Variants in DNAJC5 observed in about 807,000 individuals in gnomAD.
The protein encoded by DNAJC5 is dnaJ homolog subfamily C member 5.
Under a neutral mutation model 23.2 loss-of-function variants are expected in DNAJC5, and 1 was observed. The ratio of observed to expected loss-of-function variants is 0.04; its 90% CI spans 0.02 to 0.20. DNAJC5 has a LOEUF of 0.20. DNAJC5 is among the 10% of genes least tolerant of loss of function. The pLI is 1.00. For missense variants in DNAJC5, 180 were observed against 267.0 expected, an observed-to-expected ratio of 0.67 and a Z score of 2.27; for synonymous variants, 136 against 120.0, an observed-to-expected ratio of 1.13 and a Z score of -0.87.
At position 63,928,053 on chromosome 20, in the gene DNAJC5, G is replaced by A. The variant is rs952136530; in HGVS notation, c.-11-282G>A. Among the ~76,000 whole-genome samples the A allele has an allele frequency of 2.0e-5, 3 of 152,162 alleles. No individual in the cohort carries two copies. Among genetic ancestry groups the A allele is most frequent in the African/African-American group, 4.8e-5 (2 of 41,442 alleles). ...CAGCCTCAAACTCCTGGGCTCAAGC[G>A]GTCCTCCCGCCTCAGCCTCCCAAAA... On this transcript the variant is annotated intron_variant, in intron 1 of 4. Coordinates refer to ENST00000360864, the MANE Select transcript of DNAJC5 (RefSeq NM_025219.3). This position sits in a 1 kb window ranked among gnomAD's most constrained non-coding sequence, Gnocchi z 4.6.
In DNAJC5 at chr20:63,931,265, A is replaced by C. The variant is rs1028125801; in HGVS notation, c.494-200A>C. The C allele has an allele frequency of 1.3e-6, 1 of 782,462 alleles. No homozygotes were observed. The highest frequency in any genetic ancestry group is 1.7e-5 in the African/African-American group (1 of 58,770). 48.5% of individuals were successfully genotyped at this position (782,462 alleles called of 1,614,324 possible). A position where few individuals can be genotyped will look rare whatever the true frequency, so the allele number is the denominator to read the frequency against. Reference sequence around the variant, plus strand: ...GGACTGCGAGGCGGGGCAGGGCGGCAGGCAGTTGGGGCGGGGCTGAGGGCC... The same window carrying C: ...GGACTGCGAGGCGGGGCAGGGCGGCCGGCAGTTGGGGCGGGGCTGAGGGCC... On this transcript the variant is annotated intron_variant, in intron 4 of 4. Transcript: ENST00000360864. The surrounding 1 kb of genome is among the most constrained non-coding windows in gnomAD (Gnocchi z 9.6).
At chr20:63,922,154 G>A (rs866457947) in intron 1 of DNAJC5, among the ~76,000 whole-genome samples, 10 of 151,920 alleles carry the variant, frequency 6.6e-5, no homozygotes, top group African/African-American at 2.4e-4. Context: ...GCAAACTCCC[G>A]GACTCATTAC....
At chr20:63,924,526 C>T (rs923091829) in intron 1 of DNAJC5, among the ~76,000 whole-genome samples, 2 of 152,162 alleles carry the variant, frequency 1.3e-5, no homozygotes, top group African/African-American at 4.8e-5. Context: ...ACTAGGACCA[C>T]AGACATGAGC....
intron 1 of DNAJC5, among the ~76,000 whole-genome samples, chr20:63,899,277 C>T (rs6062330): frequency 0.053 from 8,052 of 152,172 alleles, 412 homozygotes; most frequent in East Asian, 0.2. Context: ...GCCAGGACCC[C>T]TCAGATAATG....
intron 1 of DNAJC5, among the ~76,000 whole-genome samples, chr20:63,917,496 G>A (rs1484541643): frequency 6.6e-6 from 1 of 152,082 alleles, no homozygotes; most frequent in Admixed American, 6.6e-5. Flanking sequence ...CAAGTGACAT[G>A]CCCACCTTGG....
chr20:63,912,706 C>G (rs1464887772), intron 1 of DNAJC5, among the ~76,000 whole-genome samples: 24 of 152,178 alleles, frequency 1.6e-4, no homozygotes, highest in Admixed American at 1.6e-3. Flanking sequence ...CTCCCGGGTT[C>G]AAGCGATTCT....
chr20:63,901,559 C>T (rs949305612), intron 1 of DNAJC5, among the ~76,000 whole-genome samples: 1 of 152,262 alleles, frequency 6.6e-6, no homozygotes, highest in Non-Finnish European at 1.5e-5. Flanking sequence ...ACATCAGTCT[C>T]AGAGTGGAGG....
chr20:63,895,855 C>T (rs1361209599), intron 1 of DNAJC5, among the ~76,000 whole-genome samples: 1 of 152,168 alleles, frequency 6.6e-6, no homozygotes, highest in Non-Finnish European at 1.5e-5. Flanking sequence ...TAGAAAAAAC[C>T]TGTTTTCTCC....
In DNAJC5 at chr20:63,931,535, C is replaced by T; in HGVS notation, c.564C>T (p.Ser188=). 6.3e-7 allele frequency: 1 copy of T among 1,583,206 alleles called. No homozygotes were observed. The highest frequency in any genetic ancestry group is 8.6e-7 in the Non-Finnish European group (1 of 1,168,836). Residue 188 remains serine (S), a synonymous_variant, in exon 5 of 5, where the codon TCC becomes TCT. Coordinates refer to ENST00000360864, the MANE Select transcript of DNAJC5 (RefSeq NM_025219.3). This position sits in a 1 kb window ranked among gnomAD's most constrained non-coding sequence, Gnocchi z 9.6. ...ATETTQLTAD[S]HPSYHTDGFN The stretch of plus-strand genomic sequence containing the variant: ...AGACCACCCAGCTCACAGCCGACTC[C>T]CACCCCAGCTACCACACTGACGGGT...
intron 1 of DNAJC5, among the ~76,000 whole-genome samples, chr20:63,911,588 C>T (rs1442807940): frequency 6.6e-6 from 1 of 152,152 alleles, no homozygotes; most frequent in Non-Finnish European, 1.5e-5. Flanking sequence ...TTGCGTTAAG[C>T]TCAGCATCAC....
Position 63,934,406 on chromosome 20 carries a change from A to C in DNAJC5, c.*2838A>C, listed in dbSNP as rs531050018. 1.3e-5 allele frequency: 2 copies of C among 152,392 alleles called. No individual in the cohort carries two copies. Among genetic ancestry groups the C allele is most frequent in the South Asian group, 4.1e-4 (2 of 4,830 alleles). The allele number at this position is 152,392 out of a possible 1,614,324, so 9.4% of individuals were successfully genotyped here. ...GACAATGCTGTGAGCAAGTGTGGCC[A>C]TGGGCACAGAATGTCCCTTTGGACG... is the stretch of plus-strand genomic sequence containing the variant. On this transcript the variant is annotated 3_prime_UTR_variant, in exon 5 of 5. Transcript: ENST00000360864.
intron 1 of DNAJC5, among the ~76,000 whole-genome samples, chr20:63,910,948 C>T (rs1038084215): frequency 6.6e-6 from 1 of 152,140 alleles, no homozygotes; most frequent in Non-Finnish European, 1.5e-5. Context: ...GGATTATAGG[C>T]CTGAGCCACC....
rs1215650412 is a variant in DNAJC5, at chr20:63,920,935, C to T, written c.-11-7400C>T. Among the ~76,000 whole-genome samples the T allele has an allele frequency of 6.6e-6, 1 of 151,984 alleles. No individual in the cohort carries two copies. Among genetic ancestry groups the T allele is most frequent in the East Asian group, 1.9e-4 (1 of 5,166 alleles). On this transcript the variant is annotated intron_variant, in intron 1 of 4. Coordinates refer to ENST00000360864, the MANE Select transcript of DNAJC5 (RefSeq NM_025219.3). This position sits in a 1 kb window ranked among gnomAD's most constrained non-coding sequence, Gnocchi z 4.6. ...CAAGAAGCAATCCACCTGCCTCAGC[C>T]TCCCAAAGCCTTGTTTGCTTTTTTT... is the stretch of plus-strand genomic sequence containing the variant.
intron 1 of DNAJC5, among the ~76,000 whole-genome samples, chr20:63,908,101 G>A (rs2053458960): frequency 6.6e-6 from 1 of 152,132 alleles, no homozygotes; most frequent in Non-Finnish European, 1.5e-5. Flanking sequence ...GGCTTGTTAG[G>A]GTTAAATTGG....
At chr20:63,897,911 C>A (rs1038404882) in intron 1 of DNAJC5, among the ~76,000 whole-genome samples, 1 of 152,216 alleles carries the variant, frequency 6.6e-6, no homozygotes, top group Non-Finnish European at 1.5e-5. Flanking sequence ...GGCCTTCCTG[C>A]ATCCCTGAAG....
At position 63,932,706 on chromosome 20, in the gene DNAJC5, C is replaced by T. The variant is rs1413924606; in HGVS notation, c.*1138C>T. On this transcript the variant is annotated 3_prime_UTR_variant, in exon 5 of 5. Transcript: ENST00000360864. The surrounding 1 kb of genome is among the most constrained non-coding windows in gnomAD (Gnocchi z 4.4). ...GTCCCTGGAGGAAGGACTGACTGGA[C>T]CAGAGGGACCCTCTGGCTCAGGAGG... 1 of 152,326 alleles carries T rather than the reference C, an allele frequency of 6.6e-6. No individual in the cohort carries two copies. Among genetic ancestry groups the T allele is most frequent in the Non-Finnish European group, 1.5e-5 (1 of 68,076 alleles). The allele number at this position is 152,326 out of a possible 1,614,324, so 9.4% of individuals were successfully genotyped here.
intron 1 of DNAJC5, among the ~76,000 whole-genome samples, chr20:63,922,249 G>A (rs1232169084): frequency 6.6e-6 from 1 of 151,472 alleles, no homozygotes; most frequent in African/African-American, 2.4e-5. Flanking sequence ...GTCACCTGAG[G>A]TCAGGAGTTC....
rs41278218 is a variant in DNAJC5, at chr20:63,932,910, G to A, written c.*1342G>A. ...GGACCATGGGAAGTCAGTCTCTTGC[G>A]TGTCCTAGACCTTGTGGGTGGCGCC... On this transcript the variant is annotated 3_prime_UTR_variant, in exon 5 of 5. Transcript: ENST00000360864. This position sits in a 1 kb window ranked among gnomAD's most constrained non-coding sequence, Gnocchi z 4.4. 498 of 152,512 alleles carry A rather than the reference G, an allele frequency of 3.3e-3. 1 individual carries two copies. The highest frequency in any genetic ancestry group is 5.4e-3 in the Non-Finnish European group (369 of 68,096). The allele number at this position is 152,512 out of a possible 1,614,324, so 9.4% of individuals were successfully genotyped here. A position where few individuals can be genotyped will look rare whatever the true frequency, so the allele number is the denominator to read the frequency against.
At chr20:63,901,043 C>T (rs910194953) in intron 1 of DNAJC5, among the ~76,000 whole-genome samples, 59 of 152,212 alleles carry the variant, frequency 3.9e-4, no homozygotes, top group African/African-American at 1.4e-3. Flanking sequence ...TGTCTCACTG[C>T]CGCTTCCACC....
Sources: gnomAD v4.1 joint callset for allele counts (sites outside exome capture counted in the v4.1 genomes callset) on GRCh38, gnomAD v4.1.1 for gene constraint, Gnocchi (gnomAD v3.1) non-coding constraint, MANE v1.5 for transcripts, NCBI Gene and HGNC (gene_info 2026-07-23, HGNC 2026-07-21) for gene names.